The following AGTR1 variants were observed in gnomAD, a reference collection of about 807,000 sequenced individuals.
The protein encoded by AGTR1 is angiotensin II receptor type 1.
AGTR1 carries 16 observed loss-of-function variants against 19.4 expected under a neutral mutation model. That is an observed-to-expected ratio of 0.82 (90% CI 0.56 to 1.25). The LOEUF (loss-of-function observed/expected upper bound fraction) is 1.25. AGTR1 is among the 50% of genes most tolerant of loss of function. AGTR1 has a pLI of 0.00. For missense variants in AGTR1, 373 were observed against 431.9 expected (o/e 0.86, Z 1.21); for synonymous variants, 153 against 154.9 (o/e 0.99, Z 0.09).
chr3:148,708,544 A>G (rs973528208), intron 2 of AGTR1, among the ~76,000 whole-genome samples: 1 of 152,122 alleles, frequency 6.6e-6, no homozygotes, highest in African/African-American at 2.4e-5. Flanking sequence ...CCTTCCTCCA[A>G]TGATGAGATA....
At chr3:148,701,227 T>TC (rs1289913298) in intron 1 of AGTR1, among the ~76,000 whole-genome samples, 5 of 152,204 alleles carry the variant, frequency 3.3e-5, no homozygotes, top group Non-Finnish European at 7.4e-5. Flanking sequence ...GCCAGATGTT[T>TC]CCCTAGTTAT....
chr3:148,721,366 T>C (rs1432847330), intron 2 of AGTR1, among the ~76,000 whole-genome samples: 1 of 152,182 alleles, frequency 6.6e-6, no homozygotes, highest in Non-Finnish European at 1.5e-5. Context: ...TGAAGCCGAG[T>C]AGTTCTTCCA....
chr3:148,729,337 A>C (rs975933914), intron 2 of AGTR1, among the ~76,000 whole-genome samples: 2 of 152,220 alleles, frequency 1.3e-5, no homozygotes, highest in Non-Finnish European at 2.9e-5. Context: ...ATAGCCTTCT[A>C]TGCAGAAATG....
chr3:148,723,097 C>T (rs973289252), intron 2 of AGTR1, among the ~76,000 whole-genome samples: 2 of 152,148 alleles, frequency 1.3e-5, no homozygotes, highest in Non-Finnish European at 2.9e-5. Flanking sequence ...ATCAGAAATA[C>T]TCCATATTCA....
chr3:148,715,230 C>T (rs1217168436), intron 2 of AGTR1, among the ~76,000 whole-genome samples: 1 of 152,164 alleles, frequency 6.6e-6, no homozygotes, highest in African/African-American at 2.4e-5. Context: ...AGCATTTTCT[C>T]ATAATCCCCA....
Position 148,700,308 on chromosome 3 carries a change from C to T in AGTR1, c.-132+2181C>T, listed in dbSNP as rs566841000. Among the ~76,000 whole-genome samples the T allele has an allele frequency of 2.6e-5, 4 of 152,288 alleles. No individual in the cohort carries two copies. In the South Asian group the frequency reaches 8.3e-4, roughly 32 times the overall value. Reference sequence around the variant, plus strand: ...TAAGGAAGAAAAGTTTACTCTGCTACTTACCCAAAGCCCAGGTAAAATGCT... The same window carrying T: ...TAAGGAAGAAAAGTTTACTCTGCTATTTACCCAAAGCCCAGGTAAAATGCT... On this transcript the variant is annotated intron_variant, in intron 1 of 2. Coordinates refer to ENST00000349243, the MANE Select transcript of AGTR1 (RefSeq NM_000685.5).
rs905538427 is a variant in AGTR1, at chr3:148,707,963, G to T, written c.-112G>T. On this transcript the variant is annotated 5_prime_UTR_variant, in exon 2 of 3. Transcript: ENST00000349243. ...TTTTAGGTTTGATATTTGACAAATT[G>T]ATCTAAAATGGCTGGGTTTTTATCT... The T allele has an allele frequency of 6.6e-6, 1 of 152,140 alleles. No individual in the cohort carries two copies. The highest frequency in any genetic ancestry group is 1.9e-4 in the East Asian group (1 of 5,188). The allele number at this position is 152,140 out of a possible 1,614,324, so 9.4% of individuals were successfully genotyped here. A position where few individuals can be genotyped will look rare whatever the true frequency, so the allele number is the denominator to read the frequency against.
In AGTR1 at chr3:148,741,764, G is replaced by T; in HGVS notation, c.729G>T (p.Met243Ile). The stretch of plus-strand genomic sequence containing the variant: ...ATGATGATATTTTTAAGATAATTAT[G>T]GCAATTGTGCTTTTCTTTTTCTTTT... ...PRNDDIFKII[M>I]AIVLFFFFSW... Residue 243 changes from methionine (M) to isoleucine (I), a missense_variant, in exon 3 of 3, where the codon ATG (methionine) becomes ATT (isoleucine). Physicochemically the swap from Met to Ile is conservative, Grantham distance 10. Coordinates refer to ENST00000349243, the MANE Select transcript of AGTR1 (RefSeq NM_000685.5). 1 of 1,613,378 alleles carries T rather than the reference G, an allele frequency of 6.2e-7. No individual in the cohort carries two copies. Among genetic ancestry groups the T allele is most frequent in the Non-Finnish European group, 8.5e-7 (1 of 1,179,920 alleles).
At chr3:148,717,630 G>A (rs1321624561) in intron 2 of AGTR1, among the ~76,000 whole-genome samples, 1 of 152,204 alleles carries the variant, frequency 6.6e-6, no homozygotes, top group Non-Finnish European at 1.5e-5. Context: ...AGAAGAGTCA[G>A]GAGCTCTGAG....
At chr3:148,714,246 A>G (rs1353239144) in intron 2 of AGTR1, among the ~76,000 whole-genome samples, 1 of 152,186 alleles carries the variant, frequency 6.6e-6, no homozygotes, top group African/African-American at 2.4e-5. Context: ...ATTCCAGTGC[A>G]TAAAGATGAG....
intron 2 of AGTR1, among the ~76,000 whole-genome samples, chr3:148,722,550 C>G (rs569734938): frequency 3.3e-5 from 5 of 152,050 alleles, no homozygotes. Context: ...TAAGAAGAGG[C>G]GGGAGGGTGC....
chr3:148,725,776 C>A (rs1305766656), intron 2 of AGTR1, among the ~76,000 whole-genome samples: 1 of 152,184 alleles, frequency 6.6e-6, no homozygotes, highest in Non-Finnish European at 1.5e-5. Context: ...AGCCACCACA[C>A]CCGGCCGGAG....
At chr3:148,733,805 AG>A (rs1450438067) in intron 2 of AGTR1, among the ~76,000 whole-genome samples, 1 of 152,198 alleles carries the variant, frequency 6.6e-6, no homozygotes, top group African/African-American at 2.4e-5. Context: ...ATTTACTTAC[AG>A]GCCTTCTTCC....
At chr3:148,721,871 T>A (rs1020134372) in intron 2 of AGTR1, among the ~76,000 whole-genome samples, 5 of 152,186 alleles carry the variant, frequency 3.3e-5, no homozygotes, top group African/African-American at 4.8e-5. Context: ...TAGTTGCTAT[T>A]TCCACCAGCC....
At chr3:148,701,905 C>T (rs1172821089) in intron 1 of AGTR1, among the ~76,000 whole-genome samples, 1 of 150,696 alleles carries the variant, frequency 6.6e-6, no homozygotes, top group Non-Finnish European at 1.5e-5. Flanking sequence ...TTATTTAGTT[C>T]AATGGATTTA....
chr3:148,738,897 C>T (rs1714715521), intron 2 of AGTR1, among the ~76,000 whole-genome samples: 1 of 152,172 alleles, frequency 6.6e-6, no homozygotes, highest in Admixed American at 6.5e-5. Context: ...TTCATTTGTC[C>T]ATTCAGTCAC....
At chr3:148,698,636 C>A (rs772824513) in intron 1 of AGTR1, among the ~76,000 whole-genome samples, 1 of 152,134 alleles carries the variant, frequency 6.6e-6, no homozygotes, top group Non-Finnish European at 1.5e-5. Context: ...TCCCTGCAAA[C>A]CATAGCGGTG....
chr3:148,732,567 A>C (rs1052657197), intron 2 of AGTR1, among the ~76,000 whole-genome samples: 9 of 152,112 alleles, frequency 5.9e-5, no homozygotes, highest in African/African-American at 2.2e-4. Flanking sequence ...TGGGATTAAA[A>C]ATATTTAGAT....
At chr3:148,704,232 A>C (rs779848993) in intron 1 of AGTR1, among the ~76,000 whole-genome samples, 1 of 151,850 alleles carries the variant, frequency 6.6e-6, no homozygotes, top group Non-Finnish European at 1.5e-5. Flanking sequence ...ACCATGTAGT[A>C]GTTGGGACCT....
Sources: allele counts gnomAD v4.1 joint callset (sites outside exome capture counted in the v4.1 genomes callset), GRCh38; gene constraint gnomAD v4.1.1; transcripts MANE v1.5; gene names NCBI Gene and HGNC (gene_info 2026-07-23, HGNC 2026-07-21).